GPHN: variants seen among roughly 807,000 people sequenced by gnomAD.
GPHN encodes the protein gephyrin.
GPHN carries 17 observed loss-of-function variants against 95.5 expected under a neutral mutation model. That is an observed-to-expected ratio of 0.18 (90% CI 0.12 to 0.27). The LOEUF (loss-of-function observed/expected upper bound fraction) is 0.27, where lower values mean the gene tolerates loss of function less well. GPHN is among the 10% of genes least tolerant of loss of function. The pLI, the probability that GPHN is intolerant of heterozygous loss-of-function variation, is 1.00. For missense variants in GPHN, 660 were observed against 978.1 expected (o/e 0.67, Z 4.34); for synonymous variants, 320 against 322.5 (o/e 0.99, Z 0.08).
rs142041938 is a variant in GPHN, at chr14:66,898,397, G to C, written c.390-17606G>C. Among the ~76,000 whole-genome samples the C allele has an allele frequency of 4.4e-4, 62 of 140,686 alleles. No homozygotes were observed. The East Asian group carries it at 0.014, about 31-fold the overall frequency. The allele number at this position is 140,686 out of a possible 152,430, so 92.3% of individuals were successfully genotyped here. The stretch of plus-strand genomic sequence containing the variant: ...TTCTAAGGTGTGAGTTTAGGTTGAG[G>C]TGTTTTTTCGTTTGGTTGGTTGGTT... On this transcript the variant is annotated intron_variant, in intron 5 of 22. Coordinates refer to ENST00000478722, the MANE Select transcript of GPHN (RefSeq NM_020806.5).
the GPHN span, among the ~76,000 whole-genome samples, chr14:67,719,126 A>G: frequency 1.3e-5 from 2 of 152,230 alleles, no homozygotes; most frequent in African/African-American, 4.8e-5. Flanking sequence ...ATCCTTTTCC[A>G]TTGGAGGGTA....
At chr14:67,713,347 G>A in the GPHN span, among the ~76,000 whole-genome samples, 307 of 131,824 alleles carry the variant, frequency 2.3e-3, no homozygotes, top group African/African-American at 8.5e-3. Context: ...GCTTTCCATC[G>A]TCATGGAAGC....
At chr14:66,817,305 A>T (rs2061012219) in intron 3 of GPHN, among the ~76,000 whole-genome samples, 1 of 152,114 alleles carries the variant, frequency 6.6e-6, no homozygotes, top group African/African-American at 2.4e-5. Flanking sequence ...CTTAAACTGA[A>T]AATTAACTTA....
chr14:67,513,144 T>C, the GPHN span, among the ~76,000 whole-genome samples: 1 of 152,296 alleles, frequency 6.6e-6, no homozygotes, highest in Admixed American at 6.5e-5. Flanking sequence ...CATCTTAAGG[T>C]CAGTACATTT....
chr14:66,719,418 G>A (rs1356048809), intron 2 of GPHN, among the ~76,000 whole-genome samples: 4 of 152,178 alleles, frequency 2.6e-5, no homozygotes, highest in Non-Finnish European at 5.9e-5. Context: ...TCCCCAGTGA[G>A]GATGTGTGTT....
intron 21 of GPHN, among the ~76,000 whole-genome samples, chr14:67,174,534 T>C (rs2082807712): frequency 6.6e-6 from 1 of 152,234 alleles, no homozygotes; most frequent in Non-Finnish European, 1.5e-5. Context: ...AGTGTCGCGA[T>C]AAACATACAT....
intron 4 of GPHN, among the ~76,000 whole-genome samples, chr14:66,844,075 A>G (rs749060536): frequency 6.6e-6 from 1 of 152,144 alleles, no homozygotes; most frequent in South Asian, 2.1e-4. Context: ...AATAAATTTA[A>G]TTATCTTATA....
the GPHN span, among the ~76,000 whole-genome samples, chr14:67,644,615 G>GGT: frequency 3.3e-5 from 5 of 152,150 alleles, no homozygotes; most frequent in African/African-American, 1.2e-4. Flanking sequence ...TATTTCATCA[G>GGT]GTGTATTCTT....
At chr14:67,645,152 T>C in the GPHN span, among the ~76,000 whole-genome samples, 1 of 152,142 alleles carries the variant, frequency 6.6e-6, no homozygotes, top group Non-Finnish European at 1.5e-5. Context: ...TCGTTACCTA[T>C]AGACTGTACC....
intron 10 of GPHN, among the ~76,000 whole-genome samples, chr14:67,049,860 G>A (rs1047342627): frequency 6.6e-6 from 1 of 152,146 alleles, no homozygotes; most frequent in Non-Finnish European, 1.5e-5. Flanking sequence ...ATAATTTGGG[G>A]TGAGTCTTGA....
At chr14:67,589,969 A>G in the GPHN span, 1 of 1,385,090 alleles carries the variant, frequency 7.2e-7, no homozygotes, top group Non-Finnish European at 9.4e-7. Flanking sequence ...TACATCCATA[A>G]TGGTTCCTAG....
the GPHN span, among the ~76,000 whole-genome samples, chr14:67,602,445 A>AT: frequency 6.6e-6 from 1 of 152,232 alleles, no homozygotes; most frequent in African/African-American, 2.4e-5. Flanking sequence ...ACTATTGCAT[A>AT]TATCATGTGT....
the GPHN span, among the ~76,000 whole-genome samples, chr14:67,432,588 C>T: frequency 6.6e-6 from 1 of 152,200 alleles, no homozygotes; most frequent in Non-Finnish European, 1.5e-5. Context: ...GCTCTCAGGA[C>T]AGACTATGTG....
the GPHN span, among the ~76,000 whole-genome samples, chr14:67,343,671 C>T: frequency 6.6e-6 from 1 of 152,162 alleles, no homozygotes; most frequent in Non-Finnish European, 1.5e-5. Flanking sequence ...TCAAGACCAG[C>T]CTGGGCAACA....
intron 6 of GPHN, among the ~76,000 whole-genome samples, chr14:66,920,634 A>G (rs1307537977): frequency 1.4e-5 from 2 of 145,900 alleles, no homozygotes; most frequent in African/African-American, 5.1e-5. Flanking sequence ...TACAGGTGGT[A>G]TTTGCTTACA....
the GPHN span, among the ~76,000 whole-genome samples, chr14:67,561,113 CCTT>C: frequency 2.0e-5 from 3 of 152,192 alleles, no homozygotes; most frequent in East Asian, 5.8e-4. Context: ...CCTCCTATCC[CCTT>C]CTTTGGATGT....
downstream of GPHN, among the ~76,000 whole-genome samples, chr14:67,185,445 C>T (rs953160465): frequency 2.0e-5 from 3 of 152,226 alleles, no homozygotes; most frequent in South Asian, 2.1e-4. Context: ...CTACTTGGCA[C>T]GGTGGACATC....
intron 5 of GPHN, among the ~76,000 whole-genome samples, chr14:66,908,719 A>G (rs1385065438): frequency 6.6e-6 from 1 of 152,082 alleles, no homozygotes; most frequent in Non-Finnish European, 1.5e-5. Context: ...AGTCAGATTG[A>G]TAGCATATAC....
the GPHN span, chr14:67,380,908 GA>G: frequency 2.2e-6 from 1 of 454,356 alleles, no homozygotes; most frequent in African/African-American, 2.0e-5. Context: ...AAAAGCTTAA[GA>G]AATTATTTTG....
Sources: allele counts gnomAD v4.1 joint callset (sites outside exome capture counted in the v4.1 genomes callset), GRCh38; gene constraint gnomAD v4.1.1; transcripts MANE v1.5; gene names NCBI Gene and HGNC (gene_info 2026-07-23, HGNC 2026-07-21).